MLPH: variants seen among roughly 807,000 people sequenced by gnomAD.
The protein encoded by MLPH is melanophilin.
In MLPH, 51 loss-of-function variants were observed where a neutral mutation model predicts 72.1. That is an observed-to-expected ratio of 0.71 (90% CI 0.56 to 0.89). The LOEUF is 0.89. Ranked by LOEUF, MLPH falls within the 40% of genes least tolerant of loss-of-function variation. The pLI, the probability that MLPH is intolerant of heterozygous loss-of-function variation, is 0.00. For synonymous variants in MLPH, 301 were observed against 310.1 expected (o/e 0.97, Z 0.31); for missense variants, 743 against 759.9 (o/e 0.98, Z 0.26).
chr2:237,550,948 C>T (rs2149164635), intron 14 of MLPH, among the ~76,000 whole-genome samples: 1 of 152,326 alleles, frequency 6.6e-6, no homozygotes, highest in South Asian at 2.1e-4. Flanking sequence ...CCAGAGACCT[C>T]ACTCACCTCC....
chr2:237,540,371 G>C lies in MLPH; in HGVS notation c.1128G>C (p.Thr376=), dbSNP rs533740423. 24 of 1,613,716 alleles carry C rather than the reference G, an allele frequency of 1.5e-5. 1 individual carries two copies. The Admixed American group carries it at 3.5e-4, about 24-fold the overall frequency. ...AGGGTCTAGGTGCTGGAGTGCGCAC[G>C]GAGGCCGATGTAGAGGAGGAGGCCC... ...LAKGLGAGVR[T]EADVEEEALR... Residue 376 remains threonine (T), a synonymous_variant, in exon 10 of 16, where the codon ACG becomes ACC. Coordinates refer to ENST00000264605, the MANE Select transcript of MLPH (RefSeq NM_024101.7).
chr2:237,501,663 C>CCAAAA (rs1559337749), intron 2 of MLPH, among the ~76,000 whole-genome samples: 3 of 101,664 alleles, frequency 3.0e-5, no homozygotes, highest in African/African-American at 1.0e-4. Context: ...CACGTCTCTA[C>CCAAAA]TAAAAAAAAA....
At chr2:237,550,635 C>T (rs532103156) in intron 14 of MLPH, among the ~76,000 whole-genome samples, 16 of 152,266 alleles carry the variant, frequency 1.1e-4, no homozygotes, top group South Asian at 6.2e-4. Context: ...CTGCACCCCC[C>T]GCTTCCTGGG....
intron 10 of MLPH, 129 bp downstream of exon 10, chr2:237,540,662 G>A: frequency 6.7e-7 from 1 of 1,493,886 alleles, no homozygotes; most frequent in Non-Finnish European, 9.1e-7. Context: ...CCCTTGATGG[G>A]GTCTGCAGCG....
intron 6 of MLPH, among the ~76,000 whole-genome samples, chr2:237,523,097 C>T (rs1263292337): frequency 1.3e-5 from 2 of 152,122 alleles, no homozygotes; most frequent in East Asian, 1.9e-4. Flanking sequence ...TACAATAGAT[C>T]GGATAATGAA....
chr2:237,549,378 G>C, intron 14 of MLPH, 100 bp downstream of exon 14: 1 of 1,139,914 alleles, frequency 8.8e-7, no homozygotes, highest in Non-Finnish European at 1.3e-6. Context: ...ATTATCTGTG[G>C]GACATATCTC....
intron 9 of MLPH, among the ~76,000 whole-genome samples, chr2:237,539,527 T>G (rs565350832): frequency 6.3e-4 from 96 of 152,272 alleles, no homozygotes; most frequent in African/African-American, 2.0e-3. Flanking sequence ...AATTTTGTGT[T>G]TTTATCACAT....
chr2:237,493,466 G>A lies in MLPH; in HGVS notation c.40G>A (p.Glu14Lys), dbSNP rs140778893. The A allele has an allele frequency of 6.2e-7, 1 of 1,614,116 alleles. No homozygotes were observed. Among genetic ancestry groups the A allele is most frequent in the Non-Finnish European group, 8.5e-7 (1 of 1,179,980 alleles). Residue 14 changes from glutamate (E) to lysine (K), a missense_variant, in exon 2 of 16, where the codon GAG becomes AAG. By Grantham distance (56) the Glu-to-Lys change is moderately conservative. Transcript: ENST00000264605. ...GGATCTTTCCAAGCTCACTGATGAA[G>A]AGGCCCAGCATGTCTTGGAAGTTGT... is the stretch of plus-strand genomic sequence containing the variant. ...KLDLSKLTDEEAQHVLEVVQR... is the reference protein window; with the variant it reads ...KLDLSKLTDEKAQHVLEVVQR...
At chr2:237,517,010 TG>T (rs2080046521) in intron 4 of MLPH, among the ~76,000 whole-genome samples, 1 of 134,236 alleles carries the variant, frequency 7.4e-6, no homozygotes, top group African/African-American at 3.4e-5. Flanking sequence ...GATGGATGGA[TG>T]GATGGATGGA....
chr2:237,526,470 G>A (rs2080307505), intron 7 of MLPH, among the ~76,000 whole-genome samples: 1 of 152,120 alleles, frequency 6.6e-6, no homozygotes, highest in Non-Finnish European at 1.5e-5. Context: ...GTAATCTCAT[G>A]CTGACGGGGA....
intron 1 of MLPH, among the ~76,000 whole-genome samples, 165 bp downstream of exon 1, chr2:237,487,602 C>G (rs543422714): frequency 6.6e-6 from 1 of 152,254 alleles, no homozygotes; most frequent in Non-Finnish European, 1.5e-5. Context: ...CAGCGCGTTC[C>G]CAGCCACCCA....
intron 4 of MLPH, among the ~76,000 whole-genome samples, chr2:237,513,537 G>A (rs2106301269): frequency 6.6e-6 from 1 of 152,304 alleles, no homozygotes; most frequent in Non-Finnish European, 1.5e-5. Flanking sequence ...CAGGAACAAG[G>A]AAAATCTTTT....
At chr2:237,499,644 A>G (rs938120306) in intron 2 of MLPH, among the ~76,000 whole-genome samples, 2 of 152,264 alleles carry the variant, frequency 1.3e-5, no homozygotes, top group African/African-American at 4.8e-5. Context: ...CTCAGCACCC[A>G]ATGAAAATAA....
At chr2:237,519,335 C>T (rs1202297722) in intron 5 of MLPH, among the ~76,000 whole-genome samples, 10 of 152,248 alleles carry the variant, frequency 6.6e-5, no homozygotes, top group Middle Eastern at 3.4e-3. Flanking sequence ...CATCATCTTT[C>T]GTTTGAGAAC....
Position 237,546,700 on chromosome 2 carries a change from T to C in MLPH, c.1617+17T>C, listed in dbSNP as rs747483644. 20 of 1,608,858 alleles carry C rather than the reference T, an allele frequency of 1.2e-5. No individual in the cohort carries two copies. In the African/African-American group the frequency reaches 2.5e-4, roughly 20 times the overall value. On this transcript the variant is annotated intron_variant, in intron 13 of 15. Transcript: ENST00000264605. ...GAGGCCAAGGTATGTGTTACTCCAT[T>C]CAAGCCCCAGACACCCGACAAAGGT...
At chr2:237,546,428 T>G in intron 12 of MLPH, 178 bp from the exon 13 acceptor site, 1 of 656,826 alleles carries the variant, frequency 1.5e-6, no homozygotes, top group Admixed American at 2.2e-5. Flanking sequence ...ATTTGCACAC[T>G]TTGGCGCCCT....
At chr2:237,532,512 C>A (rs1037459137) in intron 8 of MLPH, among the ~76,000 whole-genome samples, 2 of 152,326 alleles carry the variant, frequency 1.3e-5, no homozygotes, top group African/African-American at 2.4e-5. Context: ...CGTGTGTGCT[C>A]GGGCTACAGA....
In MLPH at chr2:237,510,950, C is replaced by T. The variant is rs1162281690; in HGVS notation, c.333-39C>T. 3.2e-6 allele frequency: 5 copies of T among 1,557,310 alleles called. No individual in the cohort carries two copies. In the East Asian group the frequency reaches 1.1e-4, roughly 35 times the overall value. On this transcript the variant is annotated intron_variant, in intron 3 of 15. Coordinates refer to ENST00000264605, the MANE Select transcript of MLPH (RefSeq NM_024101.7). This position sits in a 1 kb window ranked among gnomAD's most constrained non-coding sequence, Gnocchi z 4.4. ...GAGATTTATGCAGGCCTGTGTACAG[C>T]ACTCAGGCAGTGCCATGAGCCTGTG...
At chr2:237,490,951 C>CA (rs1398858756) in intron 1 of MLPH, among the ~76,000 whole-genome samples, 6 of 152,268 alleles carry the variant, frequency 3.9e-5, no homozygotes, top group South Asian at 2.1e-4. Flanking sequence ...CGAATGGGTG[C>CA]AAAAAAATTC....
Sources: gnomAD v4.1 joint callset for allele counts (sites outside exome capture counted in the v4.1 genomes callset) on GRCh38, gnomAD v4.1.1 for gene constraint, Gnocchi (gnomAD v3.1) non-coding constraint, MANE v1.5 for transcripts, NCBI Gene and HGNC (gene_info 2026-07-23, HGNC 2026-07-21) for gene names.